Variants in SH3KBP1 observed in about 807,000 individuals in gnomAD.
The protein encoded by SH3KBP1 is SH3 domain containing kinase binding protein 1, also known as SH3 domain-containing kinase-binding protein 1.
In SH3KBP1, 8 loss-of-function variants were observed where a neutral mutation model predicts 50.1. The ratio of observed to expected loss-of-function variants is 0.16; its 90% confidence interval spans 0.09 to 0.29. SH3KBP1 has a LOEUF of 0.29. Among genes scored for constraint, SH3KBP1 ranks in the 10% least tolerant of loss-of-function variants. The pLI is 1.00. For synonymous variants in SH3KBP1, 227 were observed against 218.6 expected, an observed-to-expected ratio of 1.04 and a Z score of -0.34; for missense variants, 377 against 535.2, an observed-to-expected ratio of 0.70 and a Z score of 2.92.
At chrX:19,789,567 G>A (rs2066468761) in intron 2 of SH3KBP1, among the ~76,000 whole-genome samples, 1 of 108,427 alleles carries the variant, frequency 9.2e-6, no homozygotes, top group Non-Finnish European at 1.9e-5. Flanking sequence ...TCCTCTGTGC[G>A]TCTGCGTCCC....
At chrX:19,757,735 G>A (rs1175394886) in intron 2 of SH3KBP1, among the ~76,000 whole-genome samples, 1 of 110,724 alleles carries the variant, frequency 9.0e-6, no homozygotes, top group African/African-American at 3.3e-5. Context: ...TGTCTCCCGG[G>A]CGTGCGTCCT....
chrX:19,741,310 G>T (rs2148805342), intron 3 of SH3KBP1, among the ~76,000 whole-genome samples: 1 of 111,950 alleles, frequency 8.9e-6, no homozygotes, highest in South Asian at 3.7e-4. Flanking sequence ...TAGCATCAGA[G>T]CTAGACCTGT....
At chrX:19,587,551 C>A (rs1418127745) in intron 12 of SH3KBP1, among the ~76,000 whole-genome samples, 1 of 112,184 alleles carries the variant, frequency 8.9e-6, no homozygotes, top group Non-Finnish European at 1.9e-5. Context: ...TTTTGTCTTA[C>A]TGCAGCGTGC....
At chrX:19,831,602 A>G (rs1169071108) in intron 2 of SH3KBP1, among the ~76,000 whole-genome samples, 10 of 105,558 alleles carry the variant, frequency 9.5e-5, no homozygotes, top group Admixed American at 9.2e-4. Context: ...GACCAGCCTG[A>G]CCAACATGGA....
chrX:19,786,577 A>G (rs1365628293), intron 2 of SH3KBP1, among the ~76,000 whole-genome samples: 1 of 112,233 alleles, frequency 8.9e-6, no homozygotes, highest in Non-Finnish European at 1.9e-5. Flanking sequence ...AAGGGTAGCA[A>G]CAGTGTGACC....
chrX:19,835,919 G>C (rs952071092), intron 2 of SH3KBP1, among the ~76,000 whole-genome samples: 3 of 111,046 alleles, frequency 2.7e-5, no homozygotes, highest in Non-Finnish European at 5.7e-5. Context: ...ACAGTGGAAA[G>C]AGATCATCCT....
intron 5 of SH3KBP1, among the ~76,000 whole-genome samples, chrX:19,689,585 G>T (rs764913224): frequency 7.2e-4 from 80 of 111,760 alleles, no homozygotes; most frequent in African/African-American, 2.6e-3. Flanking sequence ...TCTGGGCTGG[G>T]GCTGGGTGAG....
intron 3 of SH3KBP1, among the ~76,000 whole-genome samples, chrX:19,713,561 CA>C (rs781185511): frequency 3.5e-4 from 34 of 96,127 alleles, no homozygotes; most frequent in East Asian, 6.4e-4. Flanking sequence ...CACACCTAGC[CA>C]AAAAAAAAAA....
chrX:19,608,306 C>CTTTTTTTTTTTTTT (rs57794070), intron 8 of SH3KBP1, among the ~76,000 whole-genome samples: 3 of 87,296 alleles, frequency 3.4e-5, no homozygotes, highest in Admixed American at 1.2e-4. Flanking sequence ...TTCTTTCTTT[C>CTTTTTTTTTTTTTT]TTTTTTTTTT....
chrX:19,718,721 G>A (rs2063978103), intron 3 of SH3KBP1, among the ~76,000 whole-genome samples: 1 of 111,933 alleles, frequency 8.9e-6, no homozygotes, highest in Non-Finnish European at 1.9e-5. Context: ...TCATGGGGCT[G>A]AATGACAAGG....
At chrX:19,835,861 A>AG (rs2068045335) in intron 2 of SH3KBP1, among the ~76,000 whole-genome samples, 1 of 111,228 alleles carries the variant, frequency 9.0e-6, no homozygotes, top group African/African-American at 3.3e-5. Context: ...TGGGATTTAC[A>AG]GGCATGAGCC....
At chrX:19,605,333 T>C (rs946156635) in intron 9 of SH3KBP1, among the ~76,000 whole-genome samples, 3 of 111,824 alleles carry the variant, frequency 2.7e-5, no homozygotes, top group Non-Finnish European at 1.9e-5. Flanking sequence ...TTCCACAATG[T>C]ATATATACTT....
chrX:19,680,380 C>CAA lies in SH3KBP1; in HGVS notation c.726+3441_726+3442dup, dbSNP rs763413288. Among the ~76,000 whole-genome samples the CAA allele has an allele frequency of 6.1e-3, 231 of 37,714 alleles. 1 individual carries two copies. The highest frequency in any genetic ancestry group is 0.018 in the African/African-American group (214 of 11,583). The allele number at this position is 37,714 out of a possible 115,157, so 32.8% of individuals were successfully genotyped here. Reference sequence around the variant, plus strand: ...AGGCAACAGAGCAAGACTCTTGTTTCAAAAAAAAAAAAAAAAAAAAAACTT... The same window carrying CAA: ...AGGCAACAGAGCAAGACTCTTGTTTCAAAAAAAAAAAAAAAAAAAAAAAACTT... On this transcript the variant is annotated intron_variant, in intron 6 of 17. Coordinates refer to ENST00000397821, the MANE Select transcript of SH3KBP1 (RefSeq NM_031892.3).
chrX:19,861,391 A>T (rs1477997598), intron 1 of SH3KBP1, among the ~76,000 whole-genome samples: 1 of 110,524 alleles, frequency 9.0e-6, no homozygotes, highest in Admixed American at 9.6e-5. Context: ...AAATAAATAA[A>T]AAATAAATAA....
chrX:19,626,575 T>C (rs752377009), intron 8 of SH3KBP1, among the ~76,000 whole-genome samples: 1 of 110,925 alleles, frequency 9.0e-6, no homozygotes, highest in African/African-American at 3.3e-5. Context: ...CCCCTCTTTT[T>C]TGTGGTTTGG....
intron 1 of SH3KBP1, among the ~76,000 whole-genome samples, chrX:19,882,367 T>C (rs1288990159): frequency 9.0e-6 from 1 of 110,995 alleles, no homozygotes; most frequent in Non-Finnish European, 1.9e-5. Flanking sequence ...GAGATGAGCC[T>C]GGAATATCCA....
At chrX:19,569,245 T>A in intron 12 of SH3KBP1, 57 bp from the exon 13 acceptor site, 2 of 1,041,434 alleles carry the variant, frequency 1.9e-6, no homozygotes, top group Non-Finnish European at 2.7e-6. Context: ...CTTGTCATTC[T>A]GTCAGTTTTC....
At chrX:19,618,385 CAAA>C (rs1169013925) in intron 8 of SH3KBP1, among the ~76,000 whole-genome samples, 1 of 18,215 alleles carries the variant, frequency 5.5e-5, no homozygotes, top group African/African-American at 1.6e-4. Flanking sequence ...GACTCTGTCT[CAAA>C]AAAAAAAAAA....
chrX:19,787,625 T>C (rs774656026), intron 2 of SH3KBP1, among the ~76,000 whole-genome samples: 1 of 112,067 alleles, frequency 8.9e-6, no homozygotes, highest in Non-Finnish European at 1.9e-5. Flanking sequence ...TTAAATAGCA[T>C]CTGTGATGGG....
Sources: allele counts gnomAD v4.1 joint callset (sites outside exome capture counted in the v4.1 genomes callset), GRCh38; gene constraint gnomAD v4.1.1; transcripts MANE v1.5; gene names NCBI Gene and HGNC (gene_info 2026-07-23, HGNC 2026-07-21).